Variants in VAV3 observed in about 807,000 individuals in gnomAD.
VAV3 encodes the protein vav guanine nucleotide exchange factor 3, also known as guanine nucleotide exchange factor VAV3.
VAV3 carries 94 observed loss-of-function variants against 131.2 expected under a neutral mutation model. That is an observed-to-expected ratio of 0.72 (90% CI 0.61 to 0.85). VAV3 has a LOEUF of 0.85. Ranked by LOEUF, VAV3 falls within the 40% of genes least tolerant of loss-of-function variation. The pLI is 0.00. For synonymous variants in VAV3, 349 were observed against 342.0 expected, an observed-to-expected ratio of 1.02 and a Z score of -0.22; for missense variants, 939 against 1,002.7, an observed-to-expected ratio of 0.94 and a Z score of 0.86.
In VAV3 at chr1:107,578,668, A is replaced by G. The variant is rs368625353; in HGVS notation, c.2351-4470T>C. 8.6e-5 allele frequency: 41 copies of G among 478,878 alleles called. 1 individual carries two copies. The East Asian group carries it at 3.4e-3, about 39-fold the overall frequency. 29.7% of individuals were successfully genotyped at this position (478,878 alleles called of 1,614,324 possible). A position where few individuals can be genotyped will look rare whatever the true frequency, so the allele number is the denominator to read the frequency against. On this transcript the variant is annotated intron_variant, in intron 25 of 26. Coordinates refer to ENST00000370056, the MANE Select transcript of VAV3 (RefSeq NM_006113.5). ...CTGTTGCCCAGTTTGGAGTGCAGTT[A>G]CACGATCTCGGCTCACTGCAAGCTC...
At chr1:107,652,693 A>G (rs774180973) in intron 19 of VAV3, among the ~76,000 whole-genome samples, 2 of 152,166 alleles carry the variant, frequency 1.3e-5, no homozygotes, top group Non-Finnish European at 2.9e-5. Flanking sequence ...TTAGCTTTTA[A>G]TGATACAAAT....
At chr1:107,577,138 T>C (rs1361481777) in intron 25 of VAV3, among the ~76,000 whole-genome samples, 1 of 152,240 alleles carries the variant, frequency 6.6e-6, no homozygotes, top group Non-Finnish European at 1.5e-5. Flanking sequence ...TCAAATGGTT[T>C]TGAAGTCTTA....
chr1:107,611,227 T>C (rs1029163735), intron 21 of VAV3, among the ~76,000 whole-genome samples: 1 of 152,208 alleles, frequency 6.6e-6, no homozygotes, highest in Non-Finnish European at 1.5e-5. Context: ...ATTTCAGATG[T>C]CAGATTTTCA....
chr1:107,870,820 T>C (rs771186143), intron 2 of VAV3, among the ~76,000 whole-genome samples: 15 of 152,162 alleles, frequency 9.9e-5, no homozygotes, highest in Non-Finnish European at 2.1e-4. Flanking sequence ...TGGCCAGGTA[T>C]GGATACTCTT....
intron 2 of VAV3, among the ~76,000 whole-genome samples, chr1:107,807,806 G>C (rs1370290255): frequency 1.3e-5 from 2 of 152,150 alleles, no homozygotes; most frequent in Admixed American, 1.3e-4. Flanking sequence ...TAACATGCTT[G>C]TTAGATCTTT....
At chr1:107,868,009 G>A (rs554534556) in intron 2 of VAV3, among the ~76,000 whole-genome samples, 1 of 152,186 alleles carries the variant, frequency 6.6e-6, no homozygotes, top group South Asian at 2.1e-4. Context: ...GGGTAGTATG[G>A]GGTTGAGAAG....
rs565353936 is a variant in VAV3 at position 107,718,447 on chromosome 1, C to T, written c.1503-13386G>A. ...CAGAGAGCCAAATCATGAGTGAACG[C>T]CCATTCACAATTGCTACAAAGAGAA... On this transcript the variant is annotated intron_variant, in intron 15 of 26. Coordinates refer to ENST00000370056, the MANE Select transcript of VAV3 (RefSeq NM_006113.5). Among the ~76,000 whole-genome samples the T allele has an allele frequency of 1.4e-4, 22 of 152,222 alleles. No homozygotes were observed. In the South Asian group the frequency reaches 4.6e-3, roughly 32 times the overall value.
chr1:107,868,746 C>T (rs576626819), intron 2 of VAV3, among the ~76,000 whole-genome samples: 10 of 152,200 alleles, frequency 6.6e-5, no homozygotes, highest in African/African-American at 1.9e-4. Context: ...CTTGGAACTT[C>T]GGTAATAAAG....
chr1:107,752,423 G>C (rs1663794476), intron 12 of VAV3, among the ~76,000 whole-genome samples: 1 of 152,162 alleles, frequency 6.6e-6, no homozygotes, highest in African/African-American at 2.4e-5. Context: ...TATGACAATA[G>C]ATTCAGCAAT....
At chr1:107,849,705 A>G (rs769527693) in intron 2 of VAV3, among the ~76,000 whole-genome samples, 105 of 152,326 alleles carry the variant, frequency 6.9e-4, no homozygotes, top group Non-Finnish European at 1.2e-3. Flanking sequence ...AATGGCAACA[A>G]AAGACAAAAT....
At chr1:107,854,665 C>T (rs1268400070) in intron 2 of VAV3, among the ~76,000 whole-genome samples, 1 of 152,180 alleles carries the variant, frequency 6.6e-6, no homozygotes, top group Non-Finnish European at 1.5e-5. Flanking sequence ...CTGCAATTTT[C>T]CTGCTCGACC....
intron 2 of VAV3, among the ~76,000 whole-genome samples, chr1:107,814,795 A>AGT (rs1667494546): frequency 2.0e-5 from 3 of 152,212 alleles, no homozygotes; most frequent in African/African-American, 7.2e-5. Flanking sequence ...ATATTCTAGC[A>AGT]GCAATTTGCA....
At chr1:107,838,059 G>A (rs1443548927) in intron 2 of VAV3, among the ~76,000 whole-genome samples, 2 of 152,124 alleles carry the variant, frequency 1.3e-5, no homozygotes, top group African/African-American at 4.8e-5. Flanking sequence ...AACCTAAAGA[G>A]CTTCTGCACA....
At chr1:107,629,776 G>T (rs138849029) in intron 20 of VAV3, among the ~76,000 whole-genome samples, 6 of 152,216 alleles carry the variant, frequency 3.9e-5, no homozygotes, top group Non-Finnish European at 7.4e-5. Flanking sequence ...AATAGCATCA[G>T]AAATTACTGT....
chr1:107,890,190 C>T (rs974385873), intron 1 of VAV3, among the ~76,000 whole-genome samples: 1 of 152,096 alleles, frequency 6.6e-6, no homozygotes, highest in Admixed American at 6.5e-5. Context: ...GTACATATAT[C>T]GGAGTCCACA....
intron 19 of VAV3, among the ~76,000 whole-genome samples, chr1:107,643,024 T>C (rs1354250439): frequency 6.6e-6 from 1 of 152,152 alleles, no homozygotes; most frequent in Admixed American, 6.6e-5. Context: ...AAAATATTTC[T>C]CCTTCAGCTG....
chr1:107,656,182 C>T (rs139676482), intron 19 of VAV3, among the ~76,000 whole-genome samples: 18 of 152,108 alleles, frequency 1.2e-4, no homozygotes, highest in African/African-American at 3.9e-4. Context: ...TCATAATAAC[C>T]GAAATATGGA....
chr1:107,837,708 G>T (rs1202170491), intron 2 of VAV3, among the ~76,000 whole-genome samples: 1 of 152,086 alleles, frequency 6.6e-6, no homozygotes, highest in Non-Finnish European at 1.5e-5. Context: ...CAATGAAACA[G>T]AATACAGAAC....
chr1:107,669,435 G>A (rs751276316), intron 19 of VAV3: 200 of 1,289,340 alleles, frequency 1.6e-4, no homozygotes, highest in Non-Finnish European at 1.9e-4. Context: ...TAGTAGCAGG[G>A]GCCATGGAAA....
Sources: gnomAD v4.1 joint callset for allele counts (sites outside exome capture counted in the v4.1 genomes callset) on GRCh38, gnomAD v4.1.1 for gene constraint, MANE v1.5 for transcripts, NCBI Gene and HGNC (gene_info 2026-07-23, HGNC 2026-07-21) for gene names.